Variants in ARID5B observed in about 807,000 individuals in gnomAD.
ARID5B encodes the protein AT-rich interaction domain 5B, also known as AT-rich interactive domain-containing protein 5B.
ARID5B carries 13 observed loss-of-function variants against 97.2 expected under a neutral mutation model. The ratio of observed to expected loss-of-function variants is 0.13; its 90% CI spans 0.09 to 0.21. The LOEUF is 0.21. Ranked by LOEUF, ARID5B falls within the 10% of genes least tolerant of loss-of-function variation. The probability of loss-of-function intolerance (pLI) is 1.00; values close to 1 mark genes in which losing one functional copy is unlikely to be tolerated. For missense variants in ARID5B, 1,210 were observed against 1,465.3 expected (o/e 0.83, Z 2.84); for synonymous variants, 556 against 570.3 (o/e 0.97, Z 0.36).
At chr10:61,928,943 G>A (rs556635788) in intron 2 of ARID5B, among the ~76,000 whole-genome samples, 1 of 152,288 alleles carries the variant, frequency 6.6e-6, no homozygotes, top group South Asian at 2.1e-4. Flanking sequence ...TCTGAGGGAG[G>A]CTTGAAAGCA....
chr10:62,044,543 A>G (rs1311240542), intron 4 of ARID5B, among the ~76,000 whole-genome samples: 1 of 151,578 alleles, frequency 6.6e-6, no homozygotes, highest in Non-Finnish European at 1.5e-5. Flanking sequence ...ACCACACCCA[A>G]CTAATTTTCG....
chr10:62,037,796 C>T (rs1839585092), intron 4 of ARID5B, among the ~76,000 whole-genome samples: 1 of 152,110 alleles, frequency 6.6e-6, no homozygotes, highest in South Asian at 2.1e-4. Flanking sequence ...TAAAGAACTC[C>T]CAGCTGTTTA....
At chr10:61,953,179 C>A (rs530362205) in intron 3 of ARID5B, among the ~76,000 whole-genome samples, 9 of 152,274 alleles carry the variant, frequency 5.9e-5, no homozygotes, top group African/African-American at 2.2e-4. Flanking sequence ...CATCTTCCAA[C>A]TACTCATTCT....
intron 4 of ARID5B, among the ~76,000 whole-genome samples, chr10:62,019,969 T>C (rs543484738): frequency 1.8e-4 from 27 of 152,288 alleles, no homozygotes; most frequent in Middle Eastern, 3.4e-3. Flanking sequence ...AGTCTTCTAA[T>C]TGTGACCCTC....
At chr10:61,997,803 C>T (rs921387026) in intron 3 of ARID5B, among the ~76,000 whole-genome samples, 1 of 152,106 alleles carries the variant, frequency 6.6e-6, no homozygotes, top group Non-Finnish European at 1.5e-5. Flanking sequence ...TGAAATAGCA[C>T]TTAAAAACTC....
At chr10:62,038,226 A>G (rs1263807283) in intron 4 of ARID5B, among the ~76,000 whole-genome samples, 1 of 152,206 alleles carries the variant, frequency 6.6e-6, no homozygotes, top group Non-Finnish European at 1.5e-5. Flanking sequence ...TAAATACCCA[A>G]TTGGGTAACT....
chr10:62,021,246 T>G (rs1008951870), intron 4 of ARID5B, among the ~76,000 whole-genome samples: 17 of 152,170 alleles, frequency 1.1e-4, no homozygotes, highest in African/African-American at 3.4e-4. Flanking sequence ...CTGCACATGC[T>G]ATACCATTTA....
At chr10:62,051,178 G>C (rs950470323) in intron 5 of ARID5B, 178 bp downstream of exon 5, 52 of 687,728 alleles carry the variant, frequency 7.6e-5, no homozygotes, top group Non-Finnish European at 1.2e-4. Flanking sequence ...TCCCCTGGTT[G>C]CCGTGGGCTG....
At chr10:61,914,041 G>A (rs1589216470) in intron 2 of ARID5B, among the ~76,000 whole-genome samples, 3 of 152,282 alleles carry the variant, frequency 2.0e-5, no homozygotes, top group South Asian at 2.1e-4. Flanking sequence ...GTGAGCTACC[G>A]CGCCCAGCCC....
chr10:62,009,663 T>C (rs1839192004), intron 4 of ARID5B, among the ~76,000 whole-genome samples: 1 of 152,168 alleles, frequency 6.6e-6, no homozygotes. Flanking sequence ...AGCCTAGAGC[T>C]AAGAGTCAGG....
At chr10:61,916,501 A>G (rs993658909) in intron 2 of ARID5B, among the ~76,000 whole-genome samples, 1 of 152,176 alleles carries the variant, frequency 6.6e-6, no homozygotes, top group African/African-American at 2.4e-5. Flanking sequence ...TGACAGATTA[A>G]TATGTGACAT....
At chr10:62,014,484 G>C (rs1437302943) in intron 4 of ARID5B, among the ~76,000 whole-genome samples, 4 of 152,140 alleles carry the variant, frequency 2.6e-5, no homozygotes, top group Admixed American at 1.3e-4. Flanking sequence ...TGGGTAAAAG[G>C]CTTTGCTAGG....
In ARID5B at chr10:61,904,941, G is replaced by T. The variant is rs149771322; in HGVS notation, c.276+2528G>T. ...TTAGTCATTCATTAGCAGAATAGCA[G>T]CAGCAGTCTTCTCTGGAGGAGAGCC... On this transcript the variant is annotated intron_variant, in intron 2 of 9. Transcript: ENST00000279873. Among the ~76,000 whole-genome samples, 230 of 152,348 alleles carry T rather than the reference G, an allele frequency of 1.5e-3. 3 individuals carry two copies. The highest frequency in any genetic ancestry group is 1.4e-3 in the Non-Finnish European group (97 of 68,034).
chr10:62,042,438 C>G (rs1482897444), intron 4 of ARID5B, among the ~76,000 whole-genome samples: 2 of 152,134 alleles, frequency 1.3e-5, no homozygotes, highest in East Asian at 3.9e-4. Context: ...TGAGAGTCCA[C>G]TTTTGGTTTT....
chr10:62,092,917 A>C lies in ARID5B; in HGVS notation c.3454A>C (p.Ser1152Arg). 2 of 1,614,210 alleles carry C rather than the reference A, an allele frequency of 1.2e-6. No homozygotes were observed. Among genetic ancestry groups the C allele is most frequent in the Non-Finnish European group, 1.7e-6 (2 of 1,180,040 alleles). The stretch of plus-strand genomic sequence containing the variant: ...CTTGGCTGCGGCTACACCTGTAGGA[A>C]GTTCATATGGGGACCTTTTGCATAA... ...RHLAAATPVG[S>R]SYGDLLHNSI... The change falls in exon 10 of 10, where the codon AGT (serine) becomes CGT (arginine). Residue 1152 changes from serine to arginine, a missense_variant. Ser to Arg is a moderately radical substitution (Grantham distance 110, BLOSUM62 -1). Transcript: ENST00000279873.
intron 9 of ARID5B, among the ~76,000 whole-genome samples, chr10:62,087,298 C>CAAAAAAAA (rs71299289): frequency 0.018 from 741 of 40,630 alleles, 83 homozygotes; most frequent in African/African-American, 0.045. Context: ...GACTCTATCT[C>CAAAAAAAA]AAAAAAAAAA....
intron 3 of ARID5B, among the ~76,000 whole-genome samples, chr10:61,997,576 T>C (rs1428199778): frequency 3.9e-5 from 6 of 152,166 alleles, no homozygotes; most frequent in South Asian, 4.1e-4. Context: ...ACCCCTATCA[T>C]AGAAAGCTAA....
intron 3 of ARID5B, among the ~76,000 whole-genome samples, chr10:61,994,138 A>T (rs577721245): frequency 6.6e-6 from 1 of 152,214 alleles, no homozygotes; most frequent in African/African-American, 2.4e-5. Flanking sequence ...GATTAAGAGA[A>T]CTAAAGGGCA....
In ARID5B at chr10:61,922,140, T is replaced by A. The variant is rs114170774; in HGVS notation, c.277-18043T>A. ...TTGAAGATTTGTTAGTCTTACAGCA[T>A]GTCAACAAGCCATATCGGGTCTTTT... On this transcript the variant is annotated intron_variant, in intron 2 of 9. Transcript: ENST00000279873. 9.2e-3 allele frequency among the ~76,000 whole-genome samples: 1,396 copies of A among 152,368 alleles called. 31 individuals carry two copies. The highest frequency in any genetic ancestry group is 0.032 in the African/African-American group (1,335 of 41,584).
Sources: gnomAD v4.1 joint callset for allele counts (sites outside exome capture counted in the v4.1 genomes callset) on GRCh38, gnomAD v4.1.1 for gene constraint, MANE v1.5 for transcripts, NCBI Gene and HGNC (gene_info 2026-07-23, HGNC 2026-07-21) for gene names.